The following ACTR3C variants were observed in gnomAD, a reference collection of about 807,000 sequenced individuals.
The protein encoded by ACTR3C is actin-related protein 3C.
A neutral mutation model predicts 26.3 loss-of-function variants in ACTR3C; 18 were observed. The ratio of observed to expected loss-of-function variants is 0.68; its 90% CI spans 0.47 to 1.01. The LOEUF is 1.01. Among genes scored for constraint, ACTR3C ranks in the 50% least tolerant of loss-of-function variants. The pLI, the probability that ACTR3C is intolerant of heterozygous loss-of-function variation, is 0.00. For missense variants in ACTR3C, 184 were observed against 250.7 expected (o/e 0.73, Z 1.80); for synonymous variants, 55 against 94.5 (o/e 0.58, Z 2.42).
chr7:150,175,033 T>C, the ACTR3C span, among the ~76,000 whole-genome samples: 16,541 of 139,744 alleles, frequency 0.12, 2,150 homozygotes, highest in African/African-American at 0.3. Flanking sequence ...ATGAAGAGGA[T>C]GTGGAACAAC....
chr7:150,071,748 G>C, the ACTR3C span, among the ~76,000 whole-genome samples: 7 of 151,820 alleles, frequency 4.6e-5, no homozygotes, highest in African/African-American at 1.7e-4. Context: ...CATAAGTAAG[G>C]CCAGAGTTGT....
the ACTR3C span, among the ~76,000 whole-genome samples, chr7:149,883,913 C>T: frequency 3.9e-5 from 6 of 152,108 alleles, no homozygotes; most frequent in South Asian, 2.1e-4. Flanking sequence ...TCTGTCTTCC[C>T]GAACTGTTTC....
chr7:150,148,929 G>C, the ACTR3C span, among the ~76,000 whole-genome samples: 1 of 151,276 alleles, frequency 6.6e-6, no homozygotes, highest in Non-Finnish European at 1.5e-5. Flanking sequence ...AAATTTCCAG[G>C]GGTTAATCCA....
the ACTR3C span, among the ~76,000 whole-genome samples, chr7:149,900,492 G>T: frequency 2.7e-5 from 4 of 150,532 alleles, no homozygotes; most frequent in Non-Finnish European, 5.9e-5. Context: ...CTTTAATTAA[G>T]AATAAATAAA....
downstream of ACTR3C, among the ~76,000 whole-genome samples, chr7:150,239,862 C>G (rs1296985228): frequency 2.0e-5 from 3 of 151,910 alleles, no homozygotes; most frequent in Non-Finnish European, 2.9e-5. Context: ...AGTGATCCTC[C>G]CACCTCAGCC....
the ACTR3C span, among the ~76,000 whole-genome samples, chr7:150,203,920 C>A: frequency 6.6e-6 from 1 of 151,910 alleles, no homozygotes; most frequent in South Asian, 2.1e-4. Context: ...AGTGTCCCTG[C>A]AGCCCAAGGT....
At chr7:150,295,157 G>A (rs1327961870) in intron 2 of ACTR3C, 95 bp downstream of exon 2, 1 of 1,427,886 alleles carries the variant, frequency 7.0e-7, no homozygotes, top group Non-Finnish European at 9.7e-7. Context: ...AGGGCACACA[G>A]CGCAGTCTTC....
the ACTR3C span, among the ~76,000 whole-genome samples, chr7:149,948,406 T>G: frequency 6.6e-6 from 1 of 150,706 alleles, no homozygotes; most frequent in Non-Finnish European, 1.5e-5. Context: ...CGCTCCACTT[T>G]CCAGAAGAGG....
At chr7:150,130,566 A>G in the ACTR3C span, among the ~76,000 whole-genome samples, 8 of 152,332 alleles carry the variant, frequency 5.3e-5, no homozygotes, top group East Asian at 1.2e-3. Flanking sequence ...GATACTCATC[A>G]TTTGTCACAA....
chr7:150,313,386 A>G (rs1272685023), intron 1 of ACTR3C, among the ~76,000 whole-genome samples: 1 of 152,242 alleles, frequency 6.6e-6, no homozygotes, highest in Admixed American at 6.5e-5. Flanking sequence ...GAAAGGGACA[A>G]GTTATTATCC....
At chr7:150,224,420 T>G in the ACTR3C span, among the ~76,000 whole-genome samples, 2 of 152,264 alleles carry the variant, frequency 1.3e-5, no homozygotes, top group Non-Finnish European at 2.9e-5. Context: ...GAGGCTCCTC[T>G]GGTGTACTTC....
At chr7:150,193,267 C>T in the ACTR3C span, among the ~76,000 whole-genome samples, 2 of 151,790 alleles carry the variant, frequency 1.3e-5, no homozygotes, top group Non-Finnish European at 2.9e-5. Flanking sequence ...TAGAATTGTT[C>T]ATTTAATTTC....
the ACTR3C span, among the ~76,000 whole-genome samples, chr7:149,917,051 C>A: frequency 6.6e-6 from 1 of 150,436 alleles, no homozygotes; most frequent in Non-Finnish European, 1.5e-5. Flanking sequence ...TCTGTACATA[C>A]AATATATTAT....
chr7:150,209,135 A>T, the ACTR3C span, among the ~76,000 whole-genome samples: 1 of 151,016 alleles, frequency 6.6e-6, no homozygotes, highest in Non-Finnish European at 1.5e-5. Flanking sequence ...CATCATTGGG[A>T]TATGTTAAAA....
At chr7:150,153,258 A>C in the ACTR3C span, among the ~76,000 whole-genome samples, 1 of 152,180 alleles carries the variant, frequency 6.6e-6, no homozygotes, top group African/African-American at 2.4e-5. Context: ...TGCACAGCAA[A>C]AGAAACTACC....
chr7:150,247,205 C>CA (rs1832509949), downstream of ACTR3C: 1 of 152,238 alleles, frequency 6.6e-6, no homozygotes, highest in Non-Finnish European at 1.5e-5. Flanking sequence ...GAAAAACAAA[C>CA]AAACAGTGAC....
At chr7:150,193,885 T>C in the ACTR3C span, among the ~76,000 whole-genome samples, 1 of 151,692 alleles carries the variant, frequency 6.6e-6, no homozygotes, top group Non-Finnish European at 1.5e-5. Flanking sequence ...AACTTACAAA[T>C]GTCATTAGGT....
the ACTR3C span, among the ~76,000 whole-genome samples, chr7:149,942,500 G>A: frequency 0.16 from 24,140 of 151,944 alleles, 2,240 homozygotes; most frequent in African/African-American, 0.26. Flanking sequence ...AAGGTGGGAA[G>A]GAGTGGATGG....
At chr7:150,162,400 A>T in the ACTR3C span, among the ~76,000 whole-genome samples, 3 of 151,930 alleles carry the variant, frequency 2.0e-5, no homozygotes, top group Non-Finnish European at 4.4e-5. Context: ...ATCTCGGCTC[A>T]CTGCAACCTC....
Sources: gnomAD v4.1 joint callset for allele counts (sites outside exome capture counted in the v4.1 genomes callset) on GRCh38, gnomAD v4.1.1 for gene constraint, MANE v1.5 for transcripts, NCBI Gene and HGNC (gene_info 2026-07-23, HGNC 2026-07-21) for gene names.